Variants in PCDHA10 observed in about 807,000 individuals in gnomAD.
PCDHA10 encodes protocadherin alpha-10.
In PCDHA10, 45 loss-of-function variants were observed where a neutral mutation model predicts 61.2. The observed-to-expected ratio is 0.74, with a 90% CI of 0.58 to 0.94. The LOEUF (loss-of-function observed/expected upper bound fraction) is 0.94, where lower values mean the gene tolerates loss of function less well. Ranked by LOEUF, PCDHA10 falls within the 40% of genes least tolerant of loss-of-function variation. The probability of loss-of-function intolerance (pLI) is 0.00; values close to 1 mark genes in which losing one functional copy is unlikely to be tolerated. For synonymous variants in PCDHA10, 602 were observed against 548.8 expected, an observed-to-expected ratio of 1.10 and a Z score of -1.35; for missense variants, 1,278 against 1,236.2, an observed-to-expected ratio of 1.03 and a Z score of -0.51.
At chr5:140,960,728 A>G (rs200453950) in intron 1 of PCDHA10, among the ~76,000 whole-genome samples, 1 of 30,214 alleles carries the variant, frequency 3.3e-5, no homozygotes, top group African/African-American at 2.6e-4. Flanking sequence ...ATTTTAGTCC[A>G]TGATTTTAGT....
At chr5:140,982,625 T>C in intron 3 of PCDHA10, 62 bp downstream of exon 3, 1 of 1,582,614 alleles carries the variant, frequency 6.3e-7, no homozygotes, top group South Asian at 1.2e-5. Context: ...ATGACCTACT[T>C]TTGTAAGATC....
chr5:140,968,373 C>T (rs1554230649), intron 1 of PCDHA10: 1 of 1,614,034 alleles, frequency 6.2e-7, no homozygotes, highest in African/African-American at 1.3e-5. Context: ...GCTGTCAACT[C>T]CTTTGACTAT....
chr5:140,997,668 T>TGTGTG (rs2097778571), intron 3 of PCDHA10, among the ~76,000 whole-genome samples: 1 of 148,244 alleles, frequency 6.7e-6, no homozygotes, highest in African/African-American at 2.5e-5. Flanking sequence ...ATTATACAGC[T>TGTGTG]TGTGTGTGTG....
chr5:140,870,764 T>A, intron 1 of PCDHA10: 1 of 1,613,600 alleles, frequency 6.2e-7, no homozygotes, highest in Non-Finnish European at 8.5e-7. Flanking sequence ...CAGGTGTTCG[T>A]GCTGGACGAG....
chr5:140,985,841 G>A (rs2097174040), intron 3 of PCDHA10, among the ~76,000 whole-genome samples: 1 of 145,238 alleles, frequency 6.9e-6, no homozygotes, highest in Admixed American at 7.3e-5. Context: ...CCGGGTTCAT[G>A]CCACTCTCCT....
At position 140,856,891 on chromosome 5, in the gene PCDHA10, C is replaced by A; in HGVS notation, c.843C>A (p.Ser281Arg). The A allele has an allele frequency of 6.3e-7, 1 of 1,596,046 alleles. No individual in the cohort carries two copies. Among genetic ancestry groups the A allele is most frequent in the Non-Finnish European group, 8.6e-7 (1 of 1,165,874 alleles). Reference protein sequence around the residue: ...GINKEMMYSFSSLVPPTIRRK... With the variant: ...GINKEMMYSFRSLVPPTIRRK... ...ACAAGGAAATGATGTATTCATTTAG[C>A]TCTTTGGTCCCACCCACGATAAGAA... The change falls in exon 1 of 4, where the codon AGC (serine) becomes AGA (arginine). Residue 281 changes from serine to arginine, a missense_variant. Physicochemically the swap from Ser to Arg is moderately radical, Grantham distance 110. Coordinates refer to ENST00000307360, the MANE Select transcript of PCDHA10 (RefSeq NM_018901.4).
intron 1 of PCDHA10, among the ~76,000 whole-genome samples, chr5:140,941,562 G>A (rs1032844993): frequency 1.3e-5 from 2 of 151,596 alleles, no homozygotes; most frequent in African/African-American, 2.4e-5. Flanking sequence ...TGATCCATTC[G>A]CCTCAGCCTC....
At chr5:140,968,339 A>C in intron 1 of PCDHA10, 1 of 1,614,114 alleles carries the variant, frequency 6.2e-7, no homozygotes, top group Non-Finnish European at 8.5e-7. Flanking sequence ...TGTCTCCATT[A>C]ACAGTGCCAG....
intron 1 of PCDHA10, among the ~76,000 whole-genome samples, chr5:140,956,942 A>G (rs2153711637): frequency 6.7e-6 from 1 of 148,840 alleles, no homozygotes; most frequent in Admixed American, 6.8e-5. Flanking sequence ...GATAAAATTT[A>G]CATTAAAACA....
At chr5:140,908,804 T>C (rs1157142483) in intron 1 of PCDHA10, among the ~76,000 whole-genome samples, 2 of 152,162 alleles carry the variant, frequency 1.3e-5, no homozygotes, top group African/African-American at 4.8e-5. Context: ...CATTAAAAAG[T>C]GAGAGCCTTT....
chr5:140,915,262 T>G (rs539637990), intron 1 of PCDHA10, among the ~76,000 whole-genome samples: 1 of 152,290 alleles, frequency 6.6e-6, no homozygotes, highest in Admixed American at 6.5e-5. Context: ...GTTATTATTT[T>G]TGACCAGTTC....
In PCDHA10 at chr5:140,877,039, C is replaced by T. The variant is rs782458785; in HGVS notation, c.2388+18603C>T. ...CGGCAAGGTGTACGCGCTGCAGCCG[C>T]TAGACCACGAGGAGCTGGAGCTGCT... is the stretch of plus-strand genomic sequence containing the variant. On this transcript the variant is annotated intron_variant, in intron 1 of 3. Transcript: ENST00000307360. The T allele has an allele frequency of 3.7e-6, 6 of 1,612,576 alleles. No homozygotes were observed. In the African/African-American group the frequency reaches 5.3e-5, roughly 14 times the overall value.
At chr5:140,915,753 G>A (rs1196952771) in intron 1 of PCDHA10, among the ~76,000 whole-genome samples, 1 of 151,952 alleles carries the variant, frequency 6.6e-6, no homozygotes, top group Non-Finnish European at 1.5e-5. Context: ...AGCCAGCACA[G>A]CCCTGGGTCT....
intron 1 of PCDHA10, chr5:140,927,894 C>A (rs372774238): frequency 1.2e-6 from 2 of 1,614,208 alleles, no homozygotes; most frequent in East Asian, 2.2e-5. Context: ...CTGACGTGAA[C>A]GATCATGCCC....
At chr5:140,999,049 A>G (rs962383659) in intron 3 of PCDHA10, among the ~76,000 whole-genome samples, 2 of 152,332 alleles carry the variant, frequency 1.3e-5, no homozygotes, top group Non-Finnish European at 2.9e-5. Context: ...TGTGCTTTCC[A>G]CCATGCCTAA....
At chr5:140,920,662 G>A (rs2079759376) in intron 1 of PCDHA10, among the ~76,000 whole-genome samples, 1 of 152,044 alleles carries the variant, frequency 6.6e-6, no homozygotes, top group Admixed American at 6.6e-5. Context: ...TTGCCAACAT[G>A]GTGAAACCCC....
At chr5:140,890,968 T>C (rs559851253) in intron 1 of PCDHA10, among the ~76,000 whole-genome samples, 7 of 152,190 alleles carry the variant, frequency 4.6e-5, no homozygotes, top group African/African-American at 7.2e-5. Flanking sequence ...AGGTTTTGTT[T>C]TTCTGAAAAT....
chr5:141,002,437 T>C (rs1238744621), intron 3 of PCDHA10, among the ~76,000 whole-genome samples: 1 of 152,186 alleles, frequency 6.6e-6, no homozygotes, highest in Non-Finnish European at 1.5e-5. Context: ...GCAATAACCA[T>C]AATAATTGGC....
intron 1 of PCDHA10, chr5:140,866,517 C>T (rs1554160368): frequency 6.6e-6 from 1 of 152,090 alleles, no homozygotes; most frequent in African/African-American, 2.4e-5. Flanking sequence ...CTTGACTAAG[C>T]CATGATAGAG....
Sources: allele counts gnomAD v4.1 joint callset (sites outside exome capture counted in the v4.1 genomes callset), GRCh38; gene constraint gnomAD v4.1.1; transcripts MANE v1.5; gene names NCBI Gene and HGNC (gene_info 2026-07-23, HGNC 2026-07-21).